RPN1: variants seen among roughly 807,000 people sequenced by gnomAD.
RPN1 encodes dolichyl-diphosphooligosaccharide--protein glycosyltransferase subunit 1.
A neutral mutation model predicts 55.5 loss-of-function variants in RPN1; 12 were observed. The observed-to-expected ratio is 0.22, with a 90% CI of 0.14 to 0.35. RPN1 has a LOEUF of 0.35. RPN1 is among the 10% of genes least tolerant of loss of function. The pLI, the probability that RPN1 is intolerant of heterozygous loss-of-function variation, is 1.00. For synonymous variants in RPN1, 317 were observed against 305.9 expected (o/e 1.04, Z -0.38); for missense variants, 679 against 761.3 (o/e 0.89, Z 1.27).
At chr3:128,639,403 G>A (rs964502540) in intron 2 of RPN1, among the ~76,000 whole-genome samples, 5 of 146,568 alleles carry the variant, frequency 3.4e-5, no homozygotes, top group South Asian at 4.5e-4. Context: ...GCAGTGCGCC[G>A]AGATCGTGCC....
chr3:128,635,281 GA>G (rs1447845276), intron 3 of RPN1, among the ~76,000 whole-genome samples: 16 of 151,792 alleles, frequency 1.1e-4, no homozygotes, highest in Non-Finnish European at 1.9e-4. Context: ...ATGAATGGGA[GA>G]ATTGGAAGCA....
rs1479791347 is a variant in RPN1, at chr3:128,644,927, C to T, written c.318G>A (p.Lys106=). ...ATTGTTTGTCAGCTTACCTTTTACC[C>T]TTAATTTTGGTTTCACGTACTTCCA... The part of the protein sequence containing the change: ...NNLEVRETKI[K]GKSGRFFTVK... Residue 106 remains lysine, a synonymous_variant, in exon 2 of 10, where the codon AAG becomes AAA. Transcript: ENST00000296255. The T allele has an allele frequency of 1.3e-6, 2 of 1,545,320 alleles. No individual in the cohort carries two copies. Among genetic ancestry groups the T allele is most frequent in the Non-Finnish European group, 9.0e-7 (1 of 1,117,238 alleles).
intron 8 of RPN1, 87 bp downstream of exon 8, chr3:128,625,447 C>T (rs749107197): frequency 4.2e-5 from 67 of 1,602,120 alleles, no homozygotes; most frequent in Non-Finnish European, 5.6e-5. Flanking sequence ...GCGTCCTGCC[C>T]TGGGCTCACT....
In RPN1 at chr3:128,643,867, G is replaced by A. The variant is rs1161724520; in HGVS notation, c.326+1052C>T. 2.6e-5 allele frequency among the ~76,000 whole-genome samples: 4 copies of A among 152,018 alleles called. No homozygotes were observed. The East Asian group carries it at 7.7e-4, about 29-fold the overall frequency. The stretch of plus-strand genomic sequence containing the variant: ...AATCCCAGATACTCGGGAGCCTGAG[G>A]CAAGAGAATCACTTGAACCATCGCA... On this transcript the variant is annotated intron_variant, in intron 2 of 9. Transcript: ENST00000296255.
At chr3:128,650,143 C>A (rs2069805114) in intron 1 of RPN1, among the ~76,000 whole-genome samples, 1 of 152,224 alleles carries the variant, frequency 6.6e-6, no homozygotes, top group South Asian at 2.1e-4. Flanking sequence ...GAGGGGCTGC[C>A]GCGCTCGCCT....
intron 8 of RPN1, 82 bp downstream of exon 8, chr3:128,625,452 C>T: frequency 6.2e-7 from 1 of 1,605,048 alleles, no homozygotes; most frequent in Non-Finnish European, 8.5e-7. Flanking sequence ...CTGCCCTGGG[C>T]TCACTGTGAG....
intron 5 of RPN1, among the ~76,000 whole-genome samples, chr3:128,627,946 A>T (rs2069612064): frequency 1.3e-5 from 2 of 152,306 alleles, no homozygotes; most frequent in Admixed American, 1.3e-4. Context: ...GTCATGCAAG[A>T]ACAATGTAAA....
In RPN1 at chr3:128,620,291, A is replaced by T; in HGVS notation, c.*120T>A. ...CGCAGGGCCTGGTTTCTCTTCCTTG[A>T]AGGCCTTTTACAGATGTCAGCTTTC... is the stretch of plus-strand genomic sequence containing the variant. On this transcript the variant is annotated 3_prime_UTR_variant, in exon 10 of 10. Coordinates refer to ENST00000296255, the MANE Select transcript of RPN1 (RefSeq NM_002950.4). The T allele has an allele frequency of 1.3e-6, 1 of 765,968 alleles. No homozygotes were observed. The highest frequency in any genetic ancestry group is 1.9e-6 in the Non-Finnish European group (1 of 516,264). The allele number at this position is 765,968 out of a possible 1,614,324, so 47.4% of individuals were successfully genotyped here.
At chr3:128,643,440 G>T (rs2069743092) in intron 2 of RPN1, among the ~76,000 whole-genome samples, 1 of 152,024 alleles carries the variant, frequency 6.6e-6, no homozygotes, top group South Asian at 2.1e-4. Flanking sequence ...GAGGCAGGCA[G>T]ATCACCTGAA....
At chr3:128,627,551 A>T (rs1023231879) in intron 5 of RPN1, among the ~76,000 whole-genome samples, 2 of 152,150 alleles carry the variant, frequency 1.3e-5, no homozygotes, top group Non-Finnish European at 2.9e-5. Flanking sequence ...CAGGCAGATC[A>T]CCTGAGGTCA....
At chr3:128,621,306 T>C (rs2107712392) in intron 9 of RPN1, among the ~76,000 whole-genome samples, 1 of 151,886 alleles carries the variant, frequency 6.6e-6, no homozygotes, top group African/African-American at 2.4e-5. Flanking sequence ...GGCTCAGGAG[T>C]TCAAGACCAG....
intron 1 of RPN1, among the ~76,000 whole-genome samples, chr3:128,649,089 T>A (rs1408611686): frequency 6.6e-6 from 1 of 152,036 alleles, no homozygotes; most frequent in Non-Finnish European, 1.5e-5. Flanking sequence ...ACAAACAAAC[T>A]AAAGGACAAA....
chr3:128,641,084 T>C (rs774852853), intron 2 of RPN1: 1 of 151,922 alleles, frequency 6.6e-6, no homozygotes, highest in Non-Finnish European at 1.5e-5. Flanking sequence ...TAAACTGATG[T>C]ACATGGAGCA....
At chr3:128,626,707 C>T in intron 6 of RPN1, 26 bp downstream of exon 6, 1 of 1,603,500 alleles carries the variant, frequency 6.2e-7, no homozygotes, top group South Asian at 1.1e-5. Context: ...AAATCGGGTG[C>T]AAAGGAGAGG....
At chr3:128,635,978 CTTGTTATATATGA>C (rs2069679299) in intron 3 of RPN1, among the ~76,000 whole-genome samples, 1 of 151,602 alleles carries the variant, frequency 6.6e-6, no homozygotes, top group East Asian at 1.9e-4. Context: ...TTACACATAA[CTTGTTATATATGA>C]TTTTGTTACA....
At chr3:128,645,028 T>C in intron 1 of RPN1, 45 bp from the exon 2 acceptor site, 3 of 1,161,112 alleles carry the variant, frequency 2.6e-6, no homozygotes, top group Non-Finnish European at 2.6e-6. Flanking sequence ...TTTTGGCTTC[T>C]AAATTTTGAG....
intron 1 of RPN1, among the ~76,000 whole-genome samples, chr3:128,648,266 G>A (rs566911751): frequency 3.9e-5 from 6 of 152,214 alleles, no homozygotes; most frequent in African/African-American, 1.2e-4. Flanking sequence ...GTGGCAGCAC[G>A]CGCCTGTAGT....
chr3:128,629,702 G>C (rs148532946), intron 5 of RPN1, among the ~76,000 whole-genome samples: 1 of 152,048 alleles, frequency 6.6e-6, no homozygotes, highest in Non-Finnish European at 1.5e-5. Flanking sequence ...GAATTTCAGC[G>C]GTTCCATCTG....
At chr3:128,637,271 A>G (rs2069688025) in intron 3 of RPN1, among the ~76,000 whole-genome samples, 1 of 152,092 alleles carries the variant, frequency 6.6e-6, no homozygotes, top group African/African-American at 2.4e-5. Flanking sequence ...TACTCCACCA[A>G]AGAAAAAAAG....
Sources: allele counts gnomAD v4.1 joint callset (sites outside exome capture counted in the v4.1 genomes callset), GRCh38; gene constraint gnomAD v4.1.1; transcripts MANE v1.5; gene names NCBI Gene and HGNC (gene_info 2026-07-23, HGNC 2026-07-21).